BRAF: variants seen among roughly 807,000 people sequenced by gnomAD.
BRAF encodes the protein serine/threonine-protein kinase B-raf.
A neutral mutation model predicts 104.6 loss-of-function variants in BRAF; 16 were observed. The ratio of observed to expected loss-of-function variants is 0.15; its 90% CI spans 0.10 to 0.23. The LOEUF (loss-of-function observed/expected upper bound fraction) is 0.23, where lower values mean the gene tolerates loss of function less well. Ranked by LOEUF, BRAF falls within the 10% of genes least tolerant of loss-of-function variation. The pLI, the probability that BRAF is intolerant of heterozygous loss-of-function variation, is 1.00. For missense variants in BRAF, 541 were observed against 937.3 expected (o/e 0.58, Z 5.52); for synonymous variants, 310 against 341.6 (o/e 0.91, Z 1.02).
chr7:140,717,813 T>C (rs1028477290), downstream of BRAF, among the ~76,000 whole-genome samples: 52 of 152,206 alleles, frequency 3.4e-4, no homozygotes, highest in Admixed American at 2.0e-4. Context: ...AAAATGAATT[T>C]CTATGATGTT....
chr7:140,915,704 G>A (rs1432372608), intron 1 of BRAF, among the ~76,000 whole-genome samples: 2 of 151,830 alleles, frequency 1.3e-5, no homozygotes, highest in Non-Finnish European at 2.9e-5. Flanking sequence ...CCAAAGTGCT[G>A]GGATTACAGG....
At chr7:140,870,424 G>A (rs1203108557) in intron 1 of BRAF, among the ~76,000 whole-genome samples, 11 of 151,838 alleles carry the variant, frequency 7.2e-5, no homozygotes, top group Non-Finnish European at 1.3e-4. Flanking sequence ...AACTTTAAAG[G>A]AAAAACGCCA....
At chr7:140,919,842 T>G (rs1204669519) in intron 1 of BRAF, among the ~76,000 whole-genome samples, 1 of 147,606 alleles carries the variant, frequency 6.8e-6, no homozygotes, top group African/African-American at 2.5e-5. Context: ...TTTTTTTTTG[T>G]TTGTTTGTTT....
rs116336234 is a variant in BRAF, at chr7:140,726,391, T to A, written c.*103A>T. 2,645 of 1,509,674 alleles carry A rather than the reference T, an allele frequency of 1.8e-3. 39 individuals are homozygous for A. In the African/African-American group the frequency reaches 0.03, roughly 17 times the overall value. 93.5% of individuals were successfully genotyped at this position (1,509,674 alleles called of 1,614,324 possible). Reference sequence around the variant, plus strand: ...ATCAGCTTATGCATTGGAAATTTTGTATCTTTAAAAAAAGATTTGAGGAAC... The same window carrying A: ...ATCAGCTTATGCATTGGAAATTTTGAATCTTTAAAAAAAGATTTGAGGAAC... On this transcript the variant is annotated 3_prime_UTR_variant, in exon 20 of 20. Transcript: ENST00000644969.
chr7:140,737,133 C>T (rs929466264), intron 18 of BRAF, among the ~76,000 whole-genome samples: 2 of 151,994 alleles, frequency 1.3e-5, no homozygotes, highest in Non-Finnish European at 2.9e-5. Context: ...GTCATCAATA[C>T]AAAACTAACT....
At position 140,722,752 on chromosome 7, in the gene BRAF, G is replaced by A; in HGVS notation, c.*3742C>T. The stretch of plus-strand genomic sequence containing the variant: ...ACTCATTATGAGGATGTACTGTCAT[G>A]CCAAGCCTACTGAAAATTAAAATTA... On this transcript the variant is annotated 3_prime_UTR_variant, in exon 20 of 20. Coordinates refer to ENST00000644969, the MANE Select transcript of BRAF (RefSeq NM_001374258.1). 9.5e-7 allele frequency: 1 copy of A among 1,050,768 alleles called. No individual in the cohort carries two copies. Among genetic ancestry groups the A allele is most frequent in the Non-Finnish European group, 1.1e-6 (1 of 870,126 alleles). 65.1% of individuals were successfully genotyped at this position (1,050,768 alleles called of 1,614,324 possible).
intron 1 of BRAF, among the ~76,000 whole-genome samples, chr7:140,867,450 A>G (rs180750449): frequency 3.2e-4 from 48 of 152,256 alleles, no homozygotes; most frequent in Non-Finnish European, 5.3e-4. Context: ...CCAGGGTTCT[A>G]GGCAATGAAG....
chr7:140,838,367 A>G (rs1046779130), intron 2 of BRAF, among the ~76,000 whole-genome samples: 1 of 152,184 alleles, frequency 6.6e-6, no homozygotes, highest in Non-Finnish European at 1.5e-5. Context: ...CCACATAGCA[A>G]AAATCCAATA....
At chr7:140,888,115 C>T (rs944072638) in intron 1 of BRAF, among the ~76,000 whole-genome samples, 2 of 152,058 alleles carry the variant, frequency 1.3e-5, no homozygotes, top group South Asian at 2.1e-4. Context: ...CCTTGTGATC[C>T]GTCTACCTCG....
At chr7:140,787,699 C>A in intron 8 of BRAF, 115 bp from the exon 9 acceptor site, 1 of 855,556 alleles carries the variant, frequency 1.2e-6, no homozygotes, top group Non-Finnish European at 1.9e-6. Context: ...TAAAACAATA[C>A]ATCTTATAAC....
intron 3 of BRAF, among the ~76,000 whole-genome samples, chr7:140,816,142 A>T (rs1804860670): frequency 2.0e-5 from 3 of 152,214 alleles, no homozygotes; most frequent in Admixed American, 2.0e-4. Context: ...TTTACGTACC[A>T]ACCTGAGCTA....
chr7:140,816,136 C>T (rs898138373), intron 3 of BRAF, among the ~76,000 whole-genome samples: 2 of 152,184 alleles, frequency 1.3e-5, no homozygotes, highest in Non-Finnish European at 2.9e-5. Context: ...CAGTAATTTA[C>T]GTACCAACCT....
Position 140,720,499 on chromosome 7 carries a change from A to G in BRAF, c.*5995T>C, listed in dbSNP as rs1176461370. The G allele has an allele frequency of 1.4e-5, 15 of 1,064,680 alleles. No individual in the cohort carries two copies. Among genetic ancestry groups the G allele is most frequent in the African/African-American group, 1.6e-5 (1 of 61,054 alleles). The allele number at this position is 1,064,680 out of a possible 1,614,324, so 66.0% of individuals were successfully genotyped here. On this transcript the variant is annotated 3_prime_UTR_variant, in exon 20 of 20. Coordinates refer to ENST00000644969, the MANE Select transcript of BRAF (RefSeq NM_001374258.1). The stretch of plus-strand genomic sequence containing the variant: ...TATGTTGATATAGCTGGTTTTAATC[A>G]GCTATGGAACATACACAAATGTATT...
chr7:140,727,829 G>A (rs1335789522), intron 19 of BRAF, among the ~76,000 whole-genome samples: 2 of 151,592 alleles, frequency 1.3e-5, no homozygotes. Context: ...CACTGTGTTA[G>A]TTAGGATGGT....
chr7:140,795,592 C>G (rs888612450), intron 7 of BRAF, among the ~76,000 whole-genome samples: 12 of 152,162 alleles, frequency 7.9e-5, no homozygotes, highest in Non-Finnish European at 1.3e-4. Flanking sequence ...GTTTGAAGAG[C>G]CAAGGAAGCC....
intron 3 of BRAF, among the ~76,000 whole-genome samples, chr7:140,821,475 T>G (rs898011391): frequency 6.6e-6 from 1 of 151,348 alleles, no homozygotes; most frequent in Non-Finnish European, 1.5e-5. Context: ...TTTTTTTTTT[T>G]GTATTTTTAG....
In BRAF at chr7:140,841,886, GA is replaced by G. The variant is rs559930367; in HGVS notation, c.241-7015del. On this transcript the variant is annotated intron_variant, in intron 2 of 19. Transcript: ENST00000644969. ...ATTATTTCTCAATTAAAACAGAAGG[GA>G]AAAAAATCTAAGGATCTATTTAATT... Among the ~76,000 whole-genome samples, 90 of 151,750 alleles carry G rather than the reference GA, an allele frequency of 5.9e-4. 1 individual carries two copies. The highest frequency in any genetic ancestry group is 5.2e-3 in the South Asian group (25 of 4,808).
rs1818603869 is a variant in BRAF at position 140,924,298 on chromosome 7, A to G, written c.138+268T>C. On this transcript the variant is annotated intron_variant, in intron 1 of 19. Coordinates refer to ENST00000644969, the MANE Select transcript of BRAF (RefSeq NM_001374258.1). The surrounding 1 kb of genome is among the most constrained non-coding windows in gnomAD (Gnocchi z 4.2). The stretch of plus-strand genomic sequence containing the variant: ...CAACCCTGAGTTTCGCCCCCTATTG[A>G]TAGCCTCCCGCTCAACCACCGCTGC... Among the ~76,000 whole-genome samples the G allele has an allele frequency of 6.6e-6, 1 of 151,898 alleles. No individual in the cohort carries two copies. Among genetic ancestry groups the G allele is most frequent in the South Asian group, 2.1e-4 (1 of 4,816 alleles).
intron 17 of BRAF, among the ~76,000 whole-genome samples, chr7:140,748,417 G>A (rs1797525257): frequency 6.6e-6 from 1 of 152,088 alleles, no homozygotes; most frequent in African/African-American, 2.4e-5. Flanking sequence ...CAGGTGATTG[G>A]ACCCTCCCCA....
Sources: allele counts gnomAD v4.1 joint callset (sites outside exome capture counted in the v4.1 genomes callset), GRCh38; gene constraint gnomAD v4.1.1; non-coding constraint Gnocchi (gnomAD v3.1); transcripts MANE v1.5; gene names NCBI Gene and HGNC (gene_info 2026-07-23, HGNC 2026-07-21).